The following UBXN6 variants were observed in gnomAD, a reference collection of about 807,000 sequenced individuals.
UBXN6 encodes UBX domain-containing protein 6.
Under a neutral mutation model 51.4 loss-of-function variants are expected in UBXN6, and 44 were observed. That is an observed-to-expected ratio of 0.86 (90% confidence interval 0.67 to 1.10). The LOEUF (loss-of-function observed/expected upper bound fraction) is 1.10, where lower values mean the gene tolerates loss of function less well. UBXN6 is among the 50% of genes least tolerant of loss of function. The pLI is 0.00. For missense variants in UBXN6, 672 were observed against 596.1 expected (o/e 1.13, Z -1.32); for synonymous variants, 316 against 263.2 (o/e 1.20, Z -1.94).
At chr19:4,447,734 A>G in intron 5 of UBXN6, 109 bp from the exon 6 acceptor site, 3 of 1,129,246 alleles carry the variant, frequency 2.7e-6, no homozygotes, top group African/African-American at 1.5e-5. Flanking sequence ...GCCTCTAGTC[A>G]GAGGGAAGAA....
chr19:4,449,001 C>T (rs1399281726), intron 4 of UBXN6: 1 of 155,508 alleles, frequency 6.4e-6, no homozygotes, highest in African/African-American at 2.4e-5. Context: ...CCCCGAGGTC[C>T]CACCTATCCA....
chr19:4,448,540 G>A (rs149591009), intron 4 of UBXN6, 125 bp from the exon 5 acceptor site: 114 of 758,006 alleles, frequency 1.5e-4, no homozygotes, highest in Non-Finnish European at 2.0e-4. Context: ...CCAGCTGTGC[G>A]CTCATCACAG....
upstream of UBXN6, chr19:4,457,795 TA>T (rs397859534): frequency 5.7e-3 from 161 of 28,092 alleles, no homozygotes; most frequent in Admixed American, 0.017. Flanking sequence ...GGAAGAAAAT[TA>T]AAAAAAAAAA....
rs1974563177 is a variant in UBXN6, at chr19:4,447,608, T to C, written c.557A>G (p.His186Arg). 2.5e-6 allele frequency: 4 copies of C among 1,613,816 alleles called. No homozygotes were observed. Among genetic ancestry groups the C allele is most frequent in the Non-Finnish European group, 3.4e-6 (4 of 1,179,878 alleles). ...DTIAKYLDNI[H>R]LHPEEEKYRK... is the part of the protein sequence containing the mutation. Reference sequence around the variant, plus strand: ...GTACTTCTCCTCCTCGGGGTGCAGGTGGATGTTGTCCAGGTACCTGGGGTA... The same window carrying C: ...GTACTTCTCCTCCTCGGGGTGCAGGCGGATGTTGTCCAGGTACCTGGGGTA... The change falls in exon 6 of 11, where the codon CAC (histidine) becomes CGC (arginine). Residue 186 changes from histidine (H) to arginine (R), a missense_variant. Coordinates refer to ENST00000301281, the MANE Select transcript of UBXN6 (RefSeq NM_025241.3).
At chr19:4,445,716 G>A (rs893375117) in intron 10 of UBXN6, 93 bp from the exon 11 acceptor site, 102 of 1,537,428 alleles carry the variant, frequency 6.6e-5, no homozygotes, top group Admixed American at 1.5e-4. Flanking sequence ...GGGATGCCCC[G>A]GCCTGGAAGC....
chr19:4,449,298 G>C (rs1462326678), intron 4 of UBXN6: 1 of 152,824 alleles, frequency 6.5e-6, no homozygotes, highest in Admixed American at 6.5e-5. Context: ...CATGTGTCAG[G>C]ATTCGGGCCA....
intron 3 of UBXN6, among the ~76,000 whole-genome samples, 170 bp from the exon 4 acceptor site, chr19:4,452,662 G>A (rs1461098903): frequency 2.0e-5 from 3 of 152,158 alleles, no homozygotes; most frequent in Admixed American, 6.6e-5. Flanking sequence ...CCGGATCCCC[G>A]AGTCTTTTCC....
chr19:4,456,172 A>C (rs1974736735), intron 1 of UBXN6, among the ~76,000 whole-genome samples: 1 of 151,146 alleles, frequency 6.6e-6, no homozygotes, highest in African/African-American at 2.4e-5. Context: ...CATCACCCCG[A>C]TACCCTGCAT....
chr19:4,456,190 A>G (rs7253478), intron 1 of UBXN6, among the ~76,000 whole-genome samples: 49,218 of 151,060 alleles, frequency 0.33, 8,487 homozygotes, highest in East Asian at 0.59. Flanking sequence ...CATCCTTCCT[A>G]TCATGCCCAG....
intron 5 of UBXN6, 127 bp from the exon 6 acceptor site, chr19:4,447,752 A>G (rs534393347): frequency 1.5e-5 from 14 of 919,998 alleles, no homozygotes; most frequent in Non-Finnish European, 2.3e-5. Flanking sequence ...GAAGCGGCCC[A>G]GTGACGCGAG....
chr19:4,445,517 G>A lies in UBXN6; in HGVS notation c.1307C>T (p.Ala436Val). Residue 436 changes from alanine (A) to valine (V), a missense_variant, in exon 11 of 11, where the codon GCC becomes GTC. By Grantham distance (64) the Ala-to-Val change is moderately conservative (BLOSUM62 0). Transcript: ENST00000301281. ...DSILKPELLS[A>V]IEKLL ...TTTATTTCACAAGAGCTTCTCGATG[G>A]CTGACAGGAGCTCGGGTTTCAGGAT... 1.2e-6 allele frequency: 2 copies of A among 1,613,942 alleles called. No homozygotes were observed. The highest frequency in any genetic ancestry group is 1.3e-5 in the African/African-American group (1 of 75,068).
intron 1 of UBXN6, among the ~76,000 whole-genome samples, chr19:4,455,722 T>C (rs1279506320): frequency 6.6e-6 from 1 of 152,062 alleles, no homozygotes; most frequent in Non-Finnish European, 1.5e-5. Flanking sequence ...GTCTGCACCT[T>C]CTGCCCAGAA....
At position 4,445,552 on chromosome 19, in the gene UBXN6, C is replaced by G. The variant is rs1345649979; in HGVS notation, c.1272G>C (p.Glu424Asp). 2.5e-6 allele frequency: 4 copies of G among 1,613,754 alleles called. No homozygotes were observed. In the African/African-American group the frequency reaches 5.3e-5, roughly 22 times the overall value. ...GCTCGGGTTTCAGGATGGAGTCCGGCTCGGCCCCCGCGGCCTTGATGTCCT... is the reference window on the plus strand; with the variant it reads ...GCTCGGGTTTCAGGATGGAGTCCGGGTCGGCCCCCGCGGCCTTGATGTCCT... ...VLEDIKAAGAEPDSILKPELL... is the reference protein window; with the variant it reads ...VLEDIKAAGADPDSILKPELL... The change falls in exon 11 of 11, where the codon GAG (glutamate) becomes GAC (aspartate). Residue 424 changes from glutamate (E) to aspartate (D), a missense_variant. By Grantham distance (45) the Glu-to-Asp change is conservative. Transcript: ENST00000301281.
Position 4,445,341 on chromosome 19 carries a change from G to A in UBXN6, c.*157C>T. ...CCAAGGGATGGGGGCTCTGCCACGG[G>A]GCCCAATTCCACAGCTCCACGGCTG... is the stretch of plus-strand genomic sequence containing the variant. On this transcript the variant is annotated 3_prime_UTR_variant, in exon 11 of 11. Transcript: ENST00000301281. 1 of 1,291,052 alleles carries A rather than the reference G, an allele frequency of 7.7e-7. No homozygotes were observed. Among genetic ancestry groups the A allele is most frequent in the Non-Finnish European group, 1.1e-6 (1 of 938,244 alleles). 80.0% of individuals were successfully genotyped at this position (1,291,052 alleles called of 1,614,324 possible).
intron 1 of UBXN6, among the ~76,000 whole-genome samples, chr19:4,456,404 G>A (rs143798123): frequency 7.4e-6 from 1 of 134,728 alleles, no homozygotes; most frequent in Non-Finnish European, 1.6e-5. Context: ...CCCACTTCCT[G>A]CCACCTCCCT....
At chr19:4,449,431 A>G (rs1180600356) in intron 4 of UBXN6, 1 of 152,340 alleles carries the variant, frequency 6.6e-6, no homozygotes, top group African/African-American at 2.4e-5. Context: ...GGCTCATGCC[A>G]ACTGAAAATT....
rs764291815 is a variant in UBXN6, at chr19:4,454,026, C to T, written c.151G>A (p.Glu51Lys). The change falls in exon 2 of 11, where the codon GAG (glutamate) becomes AAG (lysine). Residue 51 changes from glutamate (E) to lysine (K), a missense_variant. Coordinates refer to ENST00000301281, the MANE Select transcript of UBXN6 (RefSeq NM_025241.3). ...GCGGCAGCGGCTGCCATCTGTGCCT[C>T]ATTGGTGGGTCCCTGGCGGGGCGGC... ...PRPPRQGPTN[E>K]AQMAAAAALA... 6 of 1,603,668 alleles carry T rather than the reference C, an allele frequency of 3.7e-6. No homozygotes were observed. In the East Asian group the frequency reaches 8.9e-5, roughly 24 times the overall value.
intron 2 of UBXN6, 98 bp downstream of exon 2, chr19:4,453,832 C>A: frequency 1.3e-6 from 2 of 1,518,766 alleles, no homozygotes; most frequent in Non-Finnish European, 1.8e-6. Context: ...CCCTCACACC[C>A]CCACGGTTGC....
At chr19:4,451,102 G>A (rs943035259) in intron 4 of UBXN6, among the ~76,000 whole-genome samples, 2 of 152,112 alleles carry the variant, frequency 1.3e-5, no homozygotes, top group Non-Finnish European at 2.9e-5. Context: ...CAGTGTCCAC[G>A]CTGGAGCTCA....
Sources: allele counts gnomAD v4.1 joint callset (sites outside exome capture counted in the v4.1 genomes callset), GRCh38; gene constraint gnomAD v4.1.1; transcripts MANE v1.5; gene names NCBI Gene and HGNC (gene_info 2026-07-23, HGNC 2026-07-21).